LRRC4C: variants seen among roughly 807,000 people sequenced by gnomAD.
LRRC4C encodes the protein leucine rich repeat containing 4C, also known as leucine-rich repeat-containing protein 4C.
Under a neutral mutation model 33.6 loss-of-function variants are expected in LRRC4C, and 5 were observed. The observed-to-expected ratio is 0.15, with a 90% confidence interval of 0.08 to 0.31. LRRC4C has a LOEUF of 0.31. Among genes scored for constraint, LRRC4C ranks in the 10% least tolerant of loss-of-function variants. The pLI is 1.00. For missense variants in LRRC4C, 560 were observed against 796.7 expected, an observed-to-expected ratio of 0.70 and a Z score of 3.58; for synonymous variants, 329 against 302.0, an observed-to-expected ratio of 1.09 and a Z score of -0.93.
At chr11:40,302,298 C>T (rs1944812755) in intron 4 of LRRC4C, among the ~76,000 whole-genome samples, 1 of 152,102 alleles carries the variant, frequency 6.6e-6, no homozygotes. Context: ...CGCATTTTCA[C>T]TAGGATAACA....
chr11:40,623,658 AC>A (rs1181077469), intron 3 of LRRC4C, among the ~76,000 whole-genome samples: 1 of 152,070 alleles, frequency 6.6e-6, no homozygotes, highest in Non-Finnish European at 1.5e-5. Context: ...CACAAAACCT[AC>A]TAAGGTGCCA....
intron 2 of LRRC4C, among the ~76,000 whole-genome samples, chr11:40,664,160 A>C (rs1490602330): frequency 1.3e-5 from 2 of 152,228 alleles, no homozygotes; most frequent in Non-Finnish European, 2.9e-5. Context: ...GTAGTGTATA[A>C]TTCAACATGG....
intron 1 of LRRC4C, among the ~76,000 whole-genome samples, chr11:41,412,184 C>G (rs931314518): frequency 2.6e-5 from 4 of 152,128 alleles, no homozygotes; most frequent in Admixed American, 2.6e-4. Context: ...TTTAACCCAC[C>G]AGCACTATGA....
At chr11:41,053,965 T>G (rs1226961916) in intron 1 of LRRC4C, among the ~76,000 whole-genome samples, 1 of 152,170 alleles carries the variant, frequency 6.6e-6, no homozygotes, top group Non-Finnish European at 1.5e-5. Context: ...AGGACTTAAT[T>G]GTCATGTTAA....
chr11:40,399,522 G>A (rs925135829), intron 3 of LRRC4C, among the ~76,000 whole-genome samples: 7 of 151,834 alleles, frequency 4.6e-5, no homozygotes, highest in East Asian at 1.9e-4. Context: ...ATCACACTCC[G>A]GGGACTGTTG....
chr11:40,802,563 G>T (rs924098627), intron 2 of LRRC4C, among the ~76,000 whole-genome samples: 1 of 151,746 alleles, frequency 6.6e-6, no homozygotes, highest in Admixed American at 6.6e-5. Flanking sequence ...AAGAGGAAAA[G>T]AAAGCCATTA....
chr11:40,688,599 G>A (rs1029626556), intron 2 of LRRC4C, among the ~76,000 whole-genome samples: 2 of 152,188 alleles, frequency 1.3e-5, no homozygotes, highest in South Asian at 2.1e-4. Flanking sequence ...CTGAGAGTCC[G>A]ATTGCTGCAG....
intron 3 of LRRC4C, among the ~76,000 whole-genome samples, chr11:40,438,661 A>G (rs951261906): frequency 1.3e-5 from 2 of 152,218 alleles, no homozygotes; most frequent in African/African-American, 4.8e-5. Flanking sequence ...TGTGTGCTAC[A>G]CAGTATGTTA....
intron 2 of LRRC4C, among the ~76,000 whole-genome samples, chr11:40,673,731 A>C (rs555042685): frequency 6.6e-6 from 1 of 152,348 alleles, no homozygotes; most frequent in African/African-American, 2.4e-5. Context: ...GATGCCAGAC[A>C]CTGCCTGTTA....
intron 1 of LRRC4C, among the ~76,000 whole-genome samples, chr11:41,087,718 T>C (rs1940111273): frequency 6.6e-6 from 1 of 152,176 alleles, no homozygotes; most frequent in South Asian, 2.1e-4. Flanking sequence ...TTGTGCCCTT[T>C]ATAAGTTTAA....
intron 1 of LRRC4C, among the ~76,000 whole-genome samples, chr11:41,111,459 A>C (rs1489739034): frequency 6.6e-6 from 1 of 152,088 alleles, no homozygotes; most frequent in Non-Finnish European, 1.5e-5. Context: ...CTGTAGATAA[A>C]GTATATTAAA....
chr11:40,472,344 C>A lies in LRRC4C; in HGVS notation c.-269-152623G>T, dbSNP rs192455662. On this transcript the variant is annotated intron_variant, in intron 3 of 6. Coordinates refer to ENST00000528697, the MANE Select transcript of LRRC4C (RefSeq NM_001258419.2). ...CACAACTACATGGAAACTGAAGAACCTGCTCCTGAATGACTACTGGGTAAA... is the reference window on the plus strand; with the variant it reads ...CACAACTACATGGAAACTGAAGAACATGCTCCTGAATGACTACTGGGTAAA... Among the ~76,000 whole-genome samples, 578 of 151,306 alleles carry A rather than the reference C, an allele frequency of 3.8e-3. 3 individuals are homozygous for A. Among genetic ancestry groups the A allele is most frequent in the African/African-American group, 0.013 (553 of 41,258 alleles).
intron 3 of LRRC4C, among the ~76,000 whole-genome samples, chr11:40,460,792 C>T (rs1435364482): frequency 6.6e-6 from 1 of 152,074 alleles, no homozygotes; most frequent in Non-Finnish European, 1.5e-5. Context: ...CACCATGAGG[C>T]ATATATGAGA....
chr11:40,672,936 C>CA (rs1944204904), intron 2 of LRRC4C, among the ~76,000 whole-genome samples: 2 of 151,748 alleles, frequency 1.3e-5, no homozygotes, highest in South Asian at 2.1e-4. Context: ...ATTTGAACCT[C>CA]AAAAAATCTC....
intron 4 of LRRC4C, chr11:40,294,248 G>A (rs887618978): frequency 8.5e-5 from 13 of 152,372 alleles, no homozygotes; most frequent in African/African-American, 3.1e-4. Flanking sequence ...GAGCTTCAGA[G>A]ATGTGGCTCT....
chr11:41,027,064 A>G lies in LRRC4C; in HGVS notation c.-495-93341T>C, dbSNP rs570471056. Among the ~76,000 whole-genome samples, 4 of 151,822 alleles carry G rather than the reference A, an allele frequency of 2.6e-5. No homozygotes were observed. The South Asian group carries it at 8.3e-4, about 31-fold the overall frequency. Reference sequence around the variant, plus strand: ...TGTGAAGCACATGAAGGCACTCAGTAAGTAGTTTTGTAACAAAAATAATAA... The same window carrying G: ...TGTGAAGCACATGAAGGCACTCAGTGAGTAGTTTTGTAACAAAAATAATAA... On this transcript the variant is annotated intron_variant, in intron 1 of 6. Transcript: ENST00000528697.
intron 3 of LRRC4C, among the ~76,000 whole-genome samples, chr11:40,559,062 A>G (rs1389910512): frequency 6.6e-6 from 1 of 152,014 alleles, no homozygotes; most frequent in African/African-American, 2.4e-5. Flanking sequence ...GCTACATAGT[A>G]TTCCATGGTT....
At chr11:41,435,956 A>G (rs1955410353) in intron 1 of LRRC4C, among the ~76,000 whole-genome samples, 1 of 152,242 alleles carries the variant, frequency 6.6e-6, no homozygotes. Flanking sequence ...CTATAATTCC[A>G]GCACTTTGGG....
chr11:40,985,303 G>A (rs187724044), intron 1 of LRRC4C, among the ~76,000 whole-genome samples: 25 of 151,952 alleles, frequency 1.6e-4, no homozygotes, highest in South Asian at 1.2e-3. Context: ...TTTTTCTTCC[G>A]CTGAGTGACT....
Sources: gnomAD v4.1 joint callset for allele counts (sites outside exome capture counted in the v4.1 genomes callset) on GRCh38, gnomAD v4.1.1 for gene constraint, MANE v1.5 for transcripts, NCBI Gene and HGNC (gene_info 2026-07-23, HGNC 2026-07-21) for gene names.